Variants in GLB1L3 observed in about 807,000 individuals in gnomAD.
GLB1L3 encodes galactosidase beta 1 like 3.
In GLB1L3, 89 loss-of-function variants were observed where a neutral mutation model predicts 89.5. That is an observed-to-expected ratio of 0.99 (90% CI 0.84 to 1.19). The LOEUF (loss-of-function observed/expected upper bound fraction) is 1.19, where lower values mean the gene tolerates loss of function less well. GLB1L3 is among the 50% of genes most tolerant of loss of function. The probability of loss-of-function intolerance (pLI) is 0.00; values close to 1 mark genes in which losing one functional copy is unlikely to be tolerated. For missense variants in GLB1L3, 812 were observed against 813.3 expected (o/e 1.00, Z 0.02); for synonymous variants, 314 against 312.3 (o/e 1.01, Z -0.06).
chr11:134,291,585 T>C (rs570106), intron 7 of GLB1L3, among the ~76,000 whole-genome samples: 142,875 of 152,268 alleles, frequency 0.94, 67,348 homozygotes, highest in Non-Finnish European at 0.99. Context: ...ATACCCAATA[T>C]GATGTAAATG....
At chr11:134,323,811 CT>C (rs1474501579), downstream of GLB1L3, among the ~76,000 whole-genome samples, 10 of 151,934 alleles carry the variant, frequency 6.6e-5, no homozygotes, top group African/African-American at 2.4e-4. Context: ...TTTGCTGAAG[CT>C]TTTTAAAAAG....
intron 10 of GLB1L3, among the ~76,000 whole-genome samples, chr11:134,308,247 C>CCATCAT (rs1942351772): frequency 7.5e-5 from 2 of 26,536 alleles, no homozygotes; most frequent in East Asian, 1.0e-3. Flanking sequence ...ATCACCATCA[C>CCATCAT]CACCATCACC....
chr11:134,319,650 A>G (rs1198715174), downstream of GLB1L3: 1 of 152,022 alleles, frequency 6.6e-6, no homozygotes, highest in Non-Finnish European at 1.5e-5. Context: ...CATGCCAGAG[A>G]GAGTATTGCA....
chr11:134,308,147 AT>A, intron 10 of GLB1L3, among the ~76,000 whole-genome samples: 1 of 147,954 alleles, frequency 6.8e-6, no homozygotes, highest in Non-Finnish European at 1.5e-5. Flanking sequence ...CACAATCACC[AT>A]CATCACCAAC....
intron 9 of GLB1L3, among the ~76,000 whole-genome samples, chr11:134,298,537 G>A (rs1258488054): frequency 6.6e-6 from 1 of 152,124 alleles, no homozygotes; most frequent in Admixed American, 6.5e-5. Context: ...CCCATGTGTT[G>A]TGGGACAGAC....
At chr11:134,314,252 C>A in intron 17 of GLB1L3, 78 bp from the exon 18 acceptor site, 1 of 989,898 alleles carries the variant, frequency 1.0e-6, no homozygotes, top group Non-Finnish European at 1.5e-6. Context: ...AGGCTCGGCC[C>A]ACGCCACCTG....
At chr11:134,303,173 T>G (rs1389006266) in intron 9 of GLB1L3, among the ~76,000 whole-genome samples, 2 of 152,224 alleles carry the variant, frequency 1.3e-5, no homozygotes, top group Non-Finnish European at 2.9e-5. Context: ...CTGATTAATA[T>G]TTGAATGTGT....
chr11:134,286,271 G>A (rs1355492476), intron 6 of GLB1L3, among the ~76,000 whole-genome samples: 2 of 152,188 alleles, frequency 1.3e-5, no homozygotes, highest in African/African-American at 2.4e-5. Context: ...AAGGAAGAAT[G>A]TGAGAGAGAG....
chr11:134,288,472 G>T (rs1025037081), intron 6 of GLB1L3, among the ~76,000 whole-genome samples: 1 of 152,234 alleles, frequency 6.6e-6, no homozygotes, highest in African/African-American at 2.4e-5. Flanking sequence ...TAAGCCTAAG[G>T]CAGGAGGGAG....
chr11:134,282,078 G>A lies in GLB1L3; in HGVS notation c.485G>A (p.Gly162Asp), dbSNP rs568129865. ...EIGLWVILRPGRYICSEMDLG... is the reference protein window; with the variant it reads ...EIGLWVILRPDRYICSEMDLG... ...GGGCTGTGGGTGATTCTGCGTCCAG[G>A]CCGCTACATCTGCAGTGAGATGGAC... The change falls in exon 5 of 20, where the codon GGC (glycine) becomes GAC (aspartate). Residue 162 changes from glycine (G) to aspartate (D), a missense_variant. By Grantham distance (94) the Gly-to-Asp change is moderately conservative. Around this residue, in one of 3 missense-constraint regions of GLB1L3, gnomAD observed 3 missense variants for 17.8 expected, o/e 0.17. Transcript: ENST00000431683. The A allele has an allele frequency of 1.2e-5, 18 of 1,563,532 alleles. No homozygotes were observed. In the Admixed American group the frequency reaches 2.7e-4, roughly 24 times the overall value.
chr11:134,313,852 G>A, intron 16 of GLB1L3, 89 bp from the exon 17 acceptor site: 1 of 834,228 alleles, frequency 1.2e-6, no homozygotes, highest in South Asian at 1.4e-5. Flanking sequence ...CCTAAGGCAT[G>A]TACAAGTCTG....
intron 6 of GLB1L3, 69 bp downstream of exon 6, chr11:134,283,914 C>G: frequency 1.1e-6 from 1 of 890,854 alleles, no homozygotes; most frequent in Non-Finnish European, 1.8e-6. Context: ...CTGGCTTGAT[C>G]ACTGAAGAGG....
chr11:134,308,577 CCA>C (rs1942525349), intron 10 of GLB1L3, among the ~76,000 whole-genome samples: 1 of 136,392 alleles, frequency 7.3e-6, no homozygotes, highest in Admixed American at 7.7e-5. Context: ...ACCACCATCA[CCA>C]TCACCATCAT....
chr11:134,306,555 G>A (rs1177119895), intron 9 of GLB1L3, among the ~76,000 whole-genome samples: 1 of 152,186 alleles, frequency 6.6e-6, no homozygotes, highest in African/African-American at 2.4e-5. Context: ...CATGCCAGAG[G>A]ACTCCAGGAG....
chr11:134,279,866 T>C lies in GLB1L3; in HGVS notation c.363-1511T>C, dbSNP rs1237099053. On this transcript the variant is annotated intron_variant, in intron 3 of 19. Transcript: ENST00000431683. ...TATTTCGGATCTGTATTTCACAGTT[T>C]CTGAGTTATGTGTAATTTCCTTTTC... Among the ~76,000 whole-genome samples the C allele has an allele frequency of 2.0e-5, 3 of 152,218 alleles. 1 individual carries two copies. The highest frequency in any genetic ancestry group is 3.8e-4 in the East Asian group (2 of 5,198).
rs149098949 is a variant in GLB1L3 at position 134,306,891 on chromosome 11, T to G, written c.877-233T>G. On this transcript the variant is annotated intron_variant, in intron 9 of 19. Coordinates refer to ENST00000431683, the MANE Select transcript of GLB1L3 (RefSeq NM_001080407.3). ...TGCTGATGGTGCTTTCCGGGTATAG[T>G]AGGGAGGCACATGAAGCTGGAGACC... 1.1e-4 allele frequency among the ~76,000 whole-genome samples: 16 copies of G among 152,270 alleles called. No individual in the cohort carries two copies. The East Asian group carries it at 3.1e-3, about 29-fold the overall frequency.
At chr11:134,320,144 C>T (rs1943146161), downstream of GLB1L3, among the ~76,000 whole-genome samples, 1 of 152,114 alleles carries the variant, frequency 6.6e-6, no homozygotes, top group African/African-American at 2.4e-5. Flanking sequence ...CAAACCAATG[C>T]ACTATAAGCA....
chr11:134,301,522 T>C (rs150046402), intron 9 of GLB1L3, among the ~76,000 whole-genome samples: 91 of 152,328 alleles, frequency 6.0e-4, no homozygotes, highest in African/African-American at 2.1e-3. Flanking sequence ...TACTCTGTCT[T>C]AACATTCTCA....
chr11:134,293,152 C>G lies in GLB1L3; in HGVS notation c.819C>G (p.Ala273=). 1 of 1,613,492 alleles carries G rather than the reference C, an allele frequency of 6.2e-7. No individual in the cohort carries two copies. Among genetic ancestry groups the G allele is most frequent in the Non-Finnish European group, 8.5e-7 (1 of 1,179,556 alleles). Residue 273 remains alanine (A), a synonymous_variant, in exon 9 of 20, where the codon GCC becomes GCG. Coordinates refer to ENST00000431683, the MANE Select transcript of GLB1L3 (RefSeq NM_001080407.3). ...VLSGHTKGVL[A]AINLQKLHQD... ...TCTCTCTTCTTTATGCAGTGTTGGC[C>G]GCCATCAATTTGCAAAAACTTCACC...
Sources: gnomAD v4.1 joint callset for allele counts (sites outside exome capture counted in the v4.1 genomes callset) on GRCh38, gnomAD v4.1.1 for gene constraint, gnomAD v4.1.1 regional missense constraint, MANE v1.5 for transcripts, NCBI Gene and HGNC (gene_info 2026-07-23, HGNC 2026-07-21) for gene names.